The following SF3B3 variants were observed in gnomAD, a reference collection of about 807,000 sequenced individuals.
SF3B3 encodes the protein splicing factor 3b subunit 3.
In SF3B3, 33 loss-of-function variants were observed where a neutral mutation model predicts 139.2. The ratio of observed to expected loss-of-function variants is 0.24; its 90% CI spans 0.18 to 0.32. SF3B3 has a LOEUF of 0.32. SF3B3 is among the 10% of genes least tolerant of loss of function. The pLI, the probability that SF3B3 is intolerant of heterozygous loss-of-function variation, is 1.00. For missense variants in SF3B3, 818 were observed against 1,509.4 expected (o/e 0.54, Z 7.59); for synonymous variants, 596 against 563.6 (o/e 1.06, Z -0.81).
chr16:70,545,445 G>T (rs1052128352), intron 10 of SF3B3, among the ~76,000 whole-genome samples: 3 of 152,122 alleles, frequency 2.0e-5, no homozygotes, highest in Non-Finnish European at 4.4e-5. Flanking sequence ...ATCTTTTATT[G>T]CTGGACTTTT....
Position 70,556,996 on chromosome 16 carries a change from G to C in SF3B3, c.1977G>C (p.Ser659=). The part of the protein sequence containing the change: ...EKQDELGERG[S]IGFLYLNIGL... ...AGGATGAGCTGGGTGAGAGGGGCTC[G>C]ATTGGCTTCCTATACCTGAATATTG... The change falls in exon 15 of 26, where the codon TCG becomes TCC. Residue 659 remains serine, a synonymous_variant. Coordinates refer to ENST00000302516, the MANE Select transcript of SF3B3 (RefSeq NM_012426.5). The C allele has an allele frequency of 6.2e-7, 1 of 1,613,526 alleles. No homozygotes were observed. The highest frequency in any genetic ancestry group is 8.5e-7 in the Non-Finnish European group (1 of 1,179,772).
chr16:70,538,892 G>A (rs114745686), intron 7 of SF3B3, among the ~76,000 whole-genome samples: 2 of 152,294 alleles, frequency 1.3e-5, no homozygotes, highest in East Asian at 1.9e-4. Context: ...TGTGAGCTAC[G>A]TAGTCTCCGT....
At chr16:70,567,709 G>A (rs2050490336) in intron 21 of SF3B3, among the ~76,000 whole-genome samples, 173 bp downstream of exon 21, 1 of 152,004 alleles carries the variant, frequency 6.6e-6, no homozygotes, top group Admixed American at 6.6e-5. Flanking sequence ...TTTTTGAGAC[G>A]GAGTCTCGCC....
In SF3B3 at chr16:70,539,139, A is replaced by G. The variant is rs777741611; in HGVS notation, c.999A>G (p.Val333=). 6.2e-6 allele frequency: 10 copies of G among 1,614,000 alleles called. No individual in the cohort carries two copies. The highest frequency in any genetic ancestry group is 8.5e-6 in the Non-Finnish European group (10 of 1,179,978). The change falls in exon 8 of 26, where the codon GTA becomes GTG. Residue 333 remains valine (V), a synonymous_variant. Transcript: ENST00000302516. Reference sequence around the variant, plus strand: ...TCCGGCTCAAATATTTTGATACTGTACCCGTTGCTGCTGCCATGTGTGTGC... The same window carrying G: ...TCCGGCTCAAATATTTTGATACTGTGCCCGTTGCTGCTGCCATGTGTGTGC... The part of the protein sequence containing the change: ...TEIRLKYFDT[V]PVAAAMCVLK...
intron 2 of SF3B3, chr16:70,527,034 C>A (rs950384193): frequency 3.1e-6 from 1 of 317,968 alleles, no homozygotes; most frequent in Non-Finnish European, 5.7e-6. Context: ...GATCTTTGAT[C>A]TTGAATTTGA....
intron 24 of SF3B3, among the ~76,000 whole-genome samples, chr16:70,570,417 A>G (rs1271242862): frequency 7.3e-6 from 1 of 137,450 alleles, no homozygotes; most frequent in African/African-American, 2.8e-5. Flanking sequence ...TGCAAACTCC[A>G]CCTCCCAGGT....
intron 11 of SF3B3, 31 bp from the exon 12 acceptor site, chr16:70,554,415 A>T (rs1327862392): frequency 6.2e-7 from 1 of 1,611,036 alleles, no homozygotes; most frequent in African/African-American, 1.3e-5. Flanking sequence ...ATGAGTTCTT[A>T]TCTAACCAAC....
At chr16:70,561,538 T>C in intron 16 of SF3B3, 92 bp from the exon 17 acceptor site, 4 of 1,093,994 alleles carry the variant, frequency 3.7e-6, no homozygotes, top group Non-Finnish European at 5.4e-6. Flanking sequence ...CTCTGCAGAC[T>C]GAAATTTGGG....
chr16:70,567,682 G>T, intron 21 of SF3B3, 146 bp downstream of exon 21: 2 of 1,056,686 alleles, frequency 1.9e-6, no homozygotes, highest in Non-Finnish European at 2.6e-6. Context: ...TTATGCCCTT[G>T]TTTTTTTGTT....
At chr16:70,569,452 A>T (rs1010397659) in intron 23 of SF3B3, among the ~76,000 whole-genome samples, 2 of 152,086 alleles carry the variant, frequency 1.3e-5, no homozygotes, top group Non-Finnish European at 2.9e-5. Context: ...AAGCCTAGTG[A>T]TTGCTGTTTT....
At position 70,548,442 on chromosome 16, in the gene SF3B3, G is replaced by T; in HGVS notation, c.1402G>T (p.Asp468Tyr). ...AVWTVRRHIEDEFDAYIIVSF... is the reference protein window; with the variant it reads ...AVWTVRRHIEYEFDAYIIVSF... ...CTGGACAGTGCGTCGACACATTGAA[G>T]GTAAGCAGCTTTTTCCCAATAGTCA... Residue 468 changes from aspartate to tyrosine, a missense_variant and splice_region_variant, in exon 11 of 26, where the codon GAT becomes TAT. Around this residue, in one of 14 missense-constraint regions of SF3B3, gnomAD observed 31 missense variants for 77.3 expected, o/e 0.40. Transcript: ENST00000302516. 1 of 1,613,608 alleles carries T rather than the reference G, an allele frequency of 6.2e-7. No homozygotes were observed. The highest frequency in any genetic ancestry group is 8.5e-7 in the Non-Finnish European group (1 of 1,179,852).
rs1326223826 is a variant in SF3B3 at position 70,526,638 on chromosome 16, G to T, written c.-19G>T. The T allele has an allele frequency of 1.2e-6, 2 of 1,609,048 alleles. No individual in the cohort carries two copies. Among genetic ancestry groups the T allele is most frequent in the East Asian group, 2.2e-5 (1 of 44,822 alleles). ...TAACCAAGGCCTGGAGGTCTGGGTG[G>T]CTCAGGTTTCCTGCAGCCATGTTTC... is the stretch of plus-strand genomic sequence containing the variant. On this transcript the variant is annotated 5_prime_UTR_variant, in exon 2 of 26. Transcript: ENST00000302516.
chr16:70,564,946 G>T, intron 18 of SF3B3, 119 bp from the exon 19 acceptor site: 1 of 835,492 alleles, frequency 1.2e-6, no homozygotes, highest in South Asian at 1.5e-5. Flanking sequence ...GGCTGGGATG[G>T]CTGACTTTGC....
intron 20 of SF3B3, among the ~76,000 whole-genome samples, chr16:70,566,415 A>G (rs34567847): frequency 0.39 from 59,661 of 151,706 alleles, 12,299 homozygotes; most frequent in South Asian, 0.66. Context: ...ATAAAAAATC[A>G]GCCAAGCATG....
intron 3 of SF3B3, among the ~76,000 whole-genome samples, chr16:70,530,325 T>C (rs967860774): frequency 5.7e-5 from 8 of 140,202 alleles, no homozygotes; most frequent in Non-Finnish European, 8.9e-5. Context: ...TTTTTTTTTT[T>C]TTTTTTCAAA....
chr16:70,566,885 C>T (rs375533312), intron 20 of SF3B3, among the ~76,000 whole-genome samples: 14 of 151,874 alleles, frequency 9.2e-5, no homozygotes, highest in Non-Finnish European at 1.9e-4. Flanking sequence ...TCAGTTTCTA[C>T]GAAAAATACA....
intron 11 of SF3B3, among the ~76,000 whole-genome samples, chr16:70,553,946 A>G (rs1415765450): frequency 6.6e-6 from 1 of 152,092 alleles, no homozygotes; most frequent in African/African-American, 2.4e-5. Context: ...TCAGCTTCCA[A>G]CCCTAGAATG....
intron 3 of SF3B3, among the ~76,000 whole-genome samples, chr16:70,530,359 G>T (rs1481150177): frequency 2.2e-5 from 3 of 137,736 alleles, no homozygotes; most frequent in African/African-American, 5.4e-5. Context: ...CGCACTTGTT[G>T]CCCAGGCTGG....
Position 70,554,435 on chromosome 16 carries a change from T to A in SF3B3, c.1403-11T>A. 6.8e-6 allele frequency: 11 copies of A among 1,613,762 alleles called. No homozygotes were observed. The highest frequency in any genetic ancestry group is 9.3e-6 in the Non-Finnish European group (11 of 1,179,756). ...TTCTTATCTAACCAACTCCCTTCTT[T>A]TCTTTTTCAGATGAGTTTGATGCCT... On this transcript the variant is annotated splice_polypyrimidine_tract_variant and intron_variant, in intron 11 of 25. Transcript: ENST00000302516.
Sources: allele counts gnomAD v4.1 joint callset (sites outside exome capture counted in the v4.1 genomes callset), GRCh38; gene constraint gnomAD v4.1.1; regional missense constraint gnomAD v4.1.1; transcripts MANE v1.5; gene names NCBI Gene and HGNC (gene_info 2026-07-23, HGNC 2026-07-21).